Variants in GRIK3 observed in about 807,000 individuals in gnomAD.
The protein encoded by GRIK3 is glutamate receptor ionotropic, kainate 3.
A neutral mutation model predicts 102.5 loss-of-function variants in GRIK3; 29 were observed. That is an observed-to-expected ratio of 0.28 (90% confidence interval 0.21 to 0.39). The LOEUF is 0.39. Ranked by LOEUF, GRIK3 falls within the 10% of genes least tolerant of loss-of-function variation. The pLI, the probability that GRIK3 is intolerant of heterozygous loss-of-function variation, is 1.00. For missense variants in GRIK3, 908 were observed against 1,252.4 expected (o/e 0.73, Z 4.15); for synonymous variants, 511 against 504.9 (o/e 1.01, Z -0.16).
intron 1 of GRIK3, among the ~76,000 whole-genome samples, chr1:37,021,443 C>T (rs1642714576): frequency 6.6e-6 from 1 of 152,094 alleles, no homozygotes; most frequent in South Asian, 2.1e-4. Flanking sequence ...TTTCCTGGAT[C>T]CAGAAGGAAG....
chr1:36,915,209 C>T (rs1641385588), intron 1 of GRIK3, among the ~76,000 whole-genome samples: 1 of 152,190 alleles, frequency 6.6e-6, no homozygotes, highest in Non-Finnish European at 1.5e-5. Flanking sequence ...TGCTTGCTTT[C>T]TCAAAGTTCT....
intron 1 of GRIK3, among the ~76,000 whole-genome samples, chr1:36,976,297 C>T (rs865856240): frequency 2.3e-4 from 35 of 152,192 alleles, no homozygotes; most frequent in Admixed American, 1.0e-3. Flanking sequence ...TACATTCCCC[C>T]CAAGACAGGA....
At chr1:36,952,085 A>AT (rs1410329834) in intron 1 of GRIK3, among the ~76,000 whole-genome samples, 5 of 152,026 alleles carry the variant, frequency 3.3e-5, no homozygotes, top group African/African-American at 7.2e-5. Context: ...AGGGAATGTG[A>AT]TTTTCCCAAA....
intron 1 of GRIK3, among the ~76,000 whole-genome samples, chr1:36,975,522 C>T (rs1050060416): frequency 8.5e-5 from 13 of 152,100 alleles, no homozygotes; most frequent in African/African-American, 1.4e-4. Flanking sequence ...TCTCGATCTC[C>T]GGACCTCGTG....
Position 36,900,922 on chromosome 1 carries a change from ACT to A in GRIK3, c.116-9828_116-9827del, listed in dbSNP as rs780840929. Among the ~76,000 whole-genome samples, 8 of 152,148 alleles carry A rather than the reference ACT, an allele frequency of 5.3e-5. No individual in the cohort carries two copies. In the East Asian group the frequency reaches 1.3e-3, roughly 26 times the overall value. ...AAAAGATTATCGAGGAATATTAATA[ACT>A]CTATGTCCACTAATTTGCTAACCTA... On this transcript the variant is annotated intron_variant, in intron 1 of 15. Transcript: ENST00000373091.
rs112354975 is a variant in GRIK3, at chr1:36,804,923, A to T, written c.2565+64T>A. The T allele has an allele frequency of 2.7e-5, 43 of 1,579,412 alleles. No individual in the cohort carries two copies. The Admixed American group carries it at 7.3e-4, about 27-fold the overall frequency. On this transcript the variant is annotated intron_variant, in intron 15 of 15. Coordinates refer to ENST00000373091, the MANE Select transcript of GRIK3 (RefSeq NM_000831.4). ...ACACCACTGTGTGCCTGGCACATAC[A>T]GGAGTGAAATCAGCGCGAATCTCCA...
intron 1 of GRIK3, among the ~76,000 whole-genome samples, chr1:36,919,702 C>T (rs930336192): frequency 6.6e-6 from 1 of 152,330 alleles, no homozygotes; most frequent in Admixed American, 6.5e-5. Flanking sequence ...CTGCTGTGCC[C>T]GGCTGTCAGT....
chr1:36,877,598 C>A (rs1640923903), intron 3 of GRIK3, among the ~76,000 whole-genome samples: 1 of 152,212 alleles, frequency 6.6e-6, no homozygotes, highest in Non-Finnish European at 1.5e-5. Context: ...GCCAGCTACA[C>A]TCTGTTAATC....
intron 1 of GRIK3, among the ~76,000 whole-genome samples, chr1:36,940,685 A>T (rs1470546238): frequency 1.3e-5 from 2 of 152,206 alleles, no homozygotes; most frequent in Non-Finnish European, 2.9e-5. Flanking sequence ...GTATCCCCTT[A>T]CATGCTTCTC....
chr1:36,897,935 T>C (rs1641191350), intron 1 of GRIK3, among the ~76,000 whole-genome samples: 1 of 152,164 alleles, frequency 6.6e-6, no homozygotes, highest in Non-Finnish European at 1.5e-5. Context: ...ATGTGGTGCT[T>C]ATACACAATG....
intron 1 of GRIK3, among the ~76,000 whole-genome samples, chr1:36,912,684 G>C (rs1641359079): frequency 1.3e-5 from 2 of 152,046 alleles, no homozygotes; most frequent in Admixed American, 6.5e-5. Flanking sequence ...GCTGTGCTGA[G>C]TCCTGGGCCC....
chr1:36,859,955 C>A lies in GRIK3; in HGVS notation c.849G>T (p.Arg283=). The change falls in exon 6 of 16, where the codon CGG becomes CGT. Residue 283 remains arginine, a synonymous_variant. Transcript: ENST00000373091. ...CGTGTGGGTTGTCCACATTGAGAAT[C>A]CGGAATCCTGTCAGGTTCACGCCTG... ...RYSGVNLTGF[R]ILNVDNPHVS... 6.2e-7 allele frequency: 1 copy of A among 1,613,416 alleles called. No homozygotes were observed. Among genetic ancestry groups the A allele is most frequent in the Non-Finnish European group, 8.5e-7 (1 of 1,179,576 alleles).
rs1240490491 is a variant in GRIK3, at chr1:36,806,319, T to C, written c.2099A>G (p.Lys700Arg). The change falls in exon 14 of 16, where the codon AAG becomes AGG. Residue 700 changes from lysine to arginine, a missense_variant. Lys to Arg is a conservative substitution (Grantham distance 26, BLOSUM62 2). Around this residue, in one of 3 missense-constraint regions of GRIK3, gnomAD observed 297 missense variants for 362.7 expected, o/e 0.82. Transcript: ENST00000373091. This position sits in a 1 kb window ranked among gnomAD's most constrained non-coding sequence, Gnocchi z 4.0. ...GATMTFFKKS[K>R]ISTFEKMWAF... Reference sequence around the variant, plus strand: ...CCACATCTTCTCGAAGGTGGAGATCTTGGATTTCTGGGCCGTGAGGGAAGG... The same window carrying C: ...CCACATCTTCTCGAAGGTGGAGATCCTGGATTTCTGGGCCGTGAGGGAAGG... 1 of 1,612,310 alleles carries C rather than the reference T, an allele frequency of 6.2e-7. No homozygotes were observed.
rs1362045389 is a variant in GRIK3, at chr1:36,798,634, G to A, written c.*3217C>T. On this transcript the variant is annotated 3_prime_UTR_variant, in exon 16 of 16. Transcript: ENST00000373091. The stretch of plus-strand genomic sequence containing the variant: ...TAGCATCATTTTCAGTGCCCCGGGA[G>A]AGACAGAGCTCATGCTTGGGCAGCT... 6.6e-6 allele frequency: 1 copy of A among 152,252 alleles called. No homozygotes were observed. Among genetic ancestry groups the A allele is most frequent in the Non-Finnish European group, 1.5e-5 (1 of 68,050 alleles). The allele number at this position is 152,252 out of a possible 1,614,324, so 9.4% of individuals were successfully genotyped here.
intron 7 of GRIK3, among the ~76,000 whole-genome samples, chr1:36,854,541 A>G (rs942945439): frequency 1.3e-5 from 2 of 152,152 alleles, no homozygotes; most frequent in South Asian, 2.1e-4. Context: ...TTGGCGTCCT[A>G]TGGCTAGCGG....
chr1:36,839,890 G>A (rs1199906767), intron 10 of GRIK3, among the ~76,000 whole-genome samples: 1 of 152,132 alleles, frequency 6.6e-6, no homozygotes, highest in Admixed American at 6.5e-5. Flanking sequence ...CCCCACTTGC[G>A]ACCTCCAAGG....
At chr1:36,840,978 G>T (rs61769808) in intron 10 of GRIK3, among the ~76,000 whole-genome samples, 27,773 of 152,108 alleles carry the variant, frequency 0.18, 2,921 homozygotes, top group African/African-American at 0.29. Context: ...AATTTACAGA[G>T]GGAGAAACTG....
chr1:36,982,388 G>C (rs1284281530), intron 1 of GRIK3, among the ~76,000 whole-genome samples: 1 of 152,214 alleles, frequency 6.6e-6, no homozygotes, highest in Non-Finnish European at 1.5e-5. Context: ...GAGCTGGGAG[G>C]ACACGAGTCC....
intron 1 of GRIK3, among the ~76,000 whole-genome samples, chr1:36,901,580 C>A (rs1641232307): frequency 6.6e-6 from 1 of 152,212 alleles, no homozygotes; most frequent in Admixed American, 6.5e-5. Flanking sequence ...ACACATTCTT[C>A]TCAAGCACAT....
Sources: gnomAD v4.1 joint callset for allele counts (sites outside exome capture counted in the v4.1 genomes callset) on GRCh38, gnomAD v4.1.1 for gene constraint, gnomAD v4.1.1 regional missense constraint, Gnocchi (gnomAD v3.1) non-coding constraint, MANE v1.5 for transcripts, NCBI Gene and HGNC (gene_info 2026-07-23, HGNC 2026-07-21) for gene names.